DIAPH2: variants seen among roughly 807,000 people sequenced by gnomAD.
The protein encoded by DIAPH2 is protein diaphanous homolog 2.
Under a neutral mutation model 92.7 loss-of-function variants are expected in DIAPH2, and 35 were observed. That is an observed-to-expected ratio of 0.38 (90% confidence interval 0.29 to 0.50). The LOEUF is 0.50. Ranked by LOEUF, DIAPH2 falls within the 20% of genes least tolerant of loss-of-function variation. DIAPH2 has a pLI of 0.94. For missense variants in DIAPH2, 701 were observed against 819.5 expected, an observed-to-expected ratio of 0.86 and a Z score of 1.77; for synonymous variants, 301 against 280.4, an observed-to-expected ratio of 1.07 and a Z score of -0.73.
At chrX:97,290,873 G>A (rs1013153939) in intron 23 of DIAPH2, among the ~76,000 whole-genome samples, 2 of 111,415 alleles carry the variant, frequency 1.8e-5, no homozygotes, top group Admixed American at 1.9e-4. Flanking sequence ...TTGGGAGCTT[G>A]AGACCAGCCT....
intron 25 of DIAPH2, among the ~76,000 whole-genome samples, chrX:97,391,838 A>G (rs992293478): frequency 3.6e-5 from 4 of 111,331 alleles, no homozygotes; most frequent in African/African-American, 9.8e-5. Flanking sequence ...TATTTCTGTA[A>G]TCTACATTTG....
Position 97,064,584 on chromosome X carries a change from C to T in DIAPH2, c.2051-8357C>T, listed in dbSNP as rs190396247. ...CTGCAACCATAAAAAATTAATAACACCCAGCACCTCCTGCAGCAATCACCA... is the reference window on the plus strand; with the variant it reads ...CTGCAACCATAAAAAATTAATAACATCCAGCACCTCCTGCAGCAATCACCA... On this transcript the variant is annotated intron_variant, in intron 17 of 26. Coordinates refer to ENST00000324765, the MANE Select transcript of DIAPH2 (RefSeq NM_006729.5). 1.1e-3 allele frequency among the ~76,000 whole-genome samples: 123 copies of T among 110,510 alleles called. 3 individuals are homozygous for T. Among genetic ancestry groups the T allele is most frequent in the Middle Eastern group, 4.6e-3 (1 of 217 alleles).
chrX:97,253,485 T>C (rs1483740903), intron 23 of DIAPH2, among the ~76,000 whole-genome samples: 1 of 110,129 alleles, frequency 9.1e-6, no homozygotes, highest in Non-Finnish European at 1.9e-5. Flanking sequence ...CAGTGGCTCA[T>C]GCCTGTAATT....
chrX:97,040,087 A>C, intron 17 of DIAPH2, among the ~76,000 whole-genome samples: 1 of 110,575 alleles, frequency 9.0e-6, no homozygotes, highest in Non-Finnish European at 1.9e-5. Flanking sequence ...TAAACCAGGC[A>C]TGATTTCTTA....
intron 1 of DIAPH2, among the ~76,000 whole-genome samples, chrX:96,708,040 C>G (rs1374357886): frequency 2.7e-5 from 3 of 111,138 alleles, no homozygotes; most frequent in Admixed American, 1.9e-4. Context: ...TGTCTGAGCT[C>G]TGGGAGCAGA....
At chrX:97,183,778 A>T (rs1308690983) in intron 22 of DIAPH2, among the ~76,000 whole-genome samples, 4 of 112,184 alleles carry the variant, frequency 3.6e-5, no homozygotes, top group Non-Finnish European at 7.5e-5. Flanking sequence ...TACAGCTATC[A>T]TTTAAAAAGC....
At chrX:97,211,167 C>A (rs2067836443) in intron 22 of DIAPH2, among the ~76,000 whole-genome samples, 1 of 111,452 alleles carries the variant, frequency 9.0e-6, no homozygotes, top group South Asian at 3.8e-4. Flanking sequence ...ACAAACATAA[C>A]ACATCTACTT....
chrX:96,938,333 G>A lies in DIAPH2; in HGVS notation c.1209-933G>A, dbSNP rs189150060. On this transcript the variant is annotated intron_variant, in intron 11 of 26. Coordinates refer to ENST00000324765, the MANE Select transcript of DIAPH2 (RefSeq NM_006729.5). ...TTCTAGTAATTTTTATTCATCATTA[G>A]TGGTGCCAGTCTACTGTGGCTTCTA... Among the ~76,000 whole-genome samples the A allele has an allele frequency of 4.4e-3, 495 of 111,395 alleles. 2 individuals are homozygous for A. The highest frequency in any genetic ancestry group is 0.015 in the African/African-American group (473 of 30,667).
intron 4 of DIAPH2, among the ~76,000 whole-genome samples, chrX:96,873,637 C>T (rs1043927594): frequency 8.0e-5 from 6 of 74,821 alleles, no homozygotes; most frequent in Non-Finnish European, 1.4e-4. Flanking sequence ...CATAGAAATG[C>T]GTATATATAT....
chrX:96,884,199 G>C (rs2065240715), intron 5 of DIAPH2: 1 of 597,100 alleles, frequency 1.7e-6, no homozygotes, highest in Non-Finnish European at 2.6e-6. Flanking sequence ...CTTTCGGACA[G>C]CTCGAAGCCT....
chrX:97,011,891 CAAAAAAAAAAAAAA>C (rs1169242843), intron 17 of DIAPH2, among the ~76,000 whole-genome samples: 1 of 32,201 alleles, frequency 3.1e-5, no homozygotes, highest in Non-Finnish European at 4.8e-5. Flanking sequence ...GACACTGTCT[CAAAAAAAAAAAAAA>C]AAAAAAAAAA....
chrX:97,323,452 G>A (rs1414473906), intron 23 of DIAPH2, among the ~76,000 whole-genome samples: 2 of 105,121 alleles, frequency 1.9e-5, no homozygotes, highest in African/African-American at 3.4e-5. Flanking sequence ...TTAGCCGGGC[G>A]TGGTGGCGGG....
Position 97,528,466 on chromosome X carries a change from AT to A in DIAPH2, c.3242-70784del, listed in dbSNP as rs1312581729. On this transcript the variant is annotated intron_variant, in intron 26 of 26. Transcript: ENST00000324765. ...CTGGTGAGGGCTTTAGGTTAATTCCATTTATGGCAGAAGGAGAAGGGGAGCT... is the reference window on the plus strand; with the variant it reads ...CTGGTGAGGGCTTTAGGTTAATTCCATTATGGCAGAAGGAGAAGGGGAGCT... 5.4e-5 allele frequency: 6 copies of A among 112,142 alleles called. No homozygotes were observed. In the East Asian group the frequency reaches 1.7e-3, roughly 31 times the overall value. The allele number at this position is 112,142 out of a possible 1,213,427, so 9.2% of individuals were successfully genotyped here.
chrX:96,882,087 G>A (rs1933430462), intron 5 of DIAPH2, among the ~76,000 whole-genome samples: 1 of 107,372 alleles, frequency 9.3e-6, no homozygotes, highest in African/African-American at 3.4e-5. Flanking sequence ...GTCTTGCTCT[G>A]TTGCCCAGGC....
chrX:97,398,741 A>ATTTT (rs1402119361), intron 25 of DIAPH2, among the ~76,000 whole-genome samples: 1 of 95,945 alleles, frequency 1.0e-5, no homozygotes, highest in Non-Finnish European at 2.1e-5. Flanking sequence ...GAAGGATGTG[A>ATTTT]TTTTTTTTTT....
At chrX:96,877,711 G>A (rs1368690699) in intron 4 of DIAPH2, among the ~76,000 whole-genome samples, 1 of 112,120 alleles carries the variant, frequency 8.9e-6, no homozygotes, top group Non-Finnish European at 1.9e-5. Flanking sequence ...TTAGAATATT[G>A]CTTCTCTGCT....
At chrX:97,406,598 T>C (rs1366289376) in intron 25 of DIAPH2, among the ~76,000 whole-genome samples, 2 of 111,913 alleles carry the variant, frequency 1.8e-5, no homozygotes, top group African/African-American at 3.2e-5. Flanking sequence ...CCATACGTCG[T>C]AAGAGTATAA....
intron 9 of DIAPH2, among the ~76,000 whole-genome samples, chrX:96,925,876 G>A: frequency 9.0e-6 from 1 of 111,435 alleles, no homozygotes; most frequent in Non-Finnish European, 1.9e-5. Context: ...CTTTGTACAT[G>A]ACTTCCGTTG....
chrX:97,180,718 C>T (rs895134523), intron 22 of DIAPH2, among the ~76,000 whole-genome samples: 1 of 111,887 alleles, frequency 8.9e-6, no homozygotes, highest in African/African-American at 3.3e-5. Context: ...TAGTTTTCTG[C>T]ATATGGCTAG....
Sources: allele counts gnomAD v4.1 joint callset (sites outside exome capture counted in the v4.1 genomes callset), GRCh38; gene constraint gnomAD v4.1.1; transcripts MANE v1.5; gene names NCBI Gene and HGNC (gene_info 2026-07-23, HGNC 2026-07-21).